The following BAZ2B variants were observed in gnomAD, a reference collection of about 807,000 sequenced individuals.
BAZ2B encodes bromodomain adjacent to zinc finger domain 2B.
In BAZ2B, 91 loss-of-function variants were observed where a neutral mutation model predicts 246.0. The observed-to-expected ratio is 0.37, with a 90% CI of 0.31 to 0.44. BAZ2B has a LOEUF of 0.44. BAZ2B is among the 20% of genes least tolerant of loss of function. The pLI, the probability that BAZ2B is intolerant of heterozygous loss-of-function variation, is 1.00. For missense variants in BAZ2B, 2,332 were observed against 2,533.7 expected (o/e 0.92, Z 1.71); for synonymous variants, 855 against 860.0 (o/e 0.99, Z 0.10).
the BAZ2B span, among the ~76,000 whole-genome samples, chr2:159,631,509 G>A: frequency 6.6e-5 from 10 of 152,066 alleles, no homozygotes; most frequent in Non-Finnish European, 1.5e-4. Flanking sequence ...ATTCAAAAAT[G>A]AGCTTAGAAT....
intron 1 of BAZ2B, among the ~76,000 whole-genome samples, chr2:159,558,346 T>C (rs939320783): frequency 6.6e-6 from 1 of 152,102 alleles, no homozygotes; most frequent in Non-Finnish European, 1.5e-5. Flanking sequence ...AACCTCCACC[T>C]CCCAGGTTCA....
chr2:159,501,159 A>AAATATATAATATATATTATATATATTT (rs2081705875), intron 2 of BAZ2B, among the ~76,000 whole-genome samples: 12 of 89,306 alleles, frequency 1.3e-4, no homozygotes, highest in Non-Finnish European at 2.2e-4. Flanking sequence ...AATATATATA[A>AAATATATAATATATATTATATATATTT]ATATATAATA....
chr2:159,404,371 ATT>A (rs3061984), intron 16 of BAZ2B: 31 of 138,814 alleles, frequency 2.2e-4, no homozygotes, highest in Admixed American at 5.8e-4. Context: ...TGCTGTCATC[ATT>A]TTTTTTTTTT....
chr2:159,501,173 A>T (rs1211899821), intron 2 of BAZ2B, among the ~76,000 whole-genome samples: 1 of 104,492 alleles, frequency 9.6e-6, no homozygotes, highest in Non-Finnish European at 1.8e-5. Context: ...TATAATATAT[A>T]TTATATATAT....
intron 2 of BAZ2B, among the ~76,000 whole-genome samples, chr2:159,487,967 T>C (rs978990157): frequency 2.0e-5 from 3 of 151,800 alleles, no homozygotes; most frequent in Non-Finnish European, 2.9e-5. Context: ...GACATCCAAA[T>C]ACAAGAAGCT....
intron 1 of BAZ2B, among the ~76,000 whole-genome samples, chr2:159,560,329 A>G (rs1030338590): frequency 4.6e-5 from 7 of 152,208 alleles, no homozygotes; most frequent in Admixed American, 6.5e-5. Context: ...ATTCATTTAT[A>G]TATCAGTTTG....
chr2:159,492,864 T>C (rs2080653675), intron 2 of BAZ2B, among the ~76,000 whole-genome samples: 1 of 152,224 alleles, frequency 6.6e-6, no homozygotes. Context: ...TTTGTTGTTA[T>C]CTGTTTTTAC....
chr2:159,468,734 T>C (rs1337191350), intron 3 of BAZ2B, among the ~76,000 whole-genome samples: 5 of 151,980 alleles, frequency 3.3e-5, no homozygotes, highest in Admixed American at 2.0e-4. Context: ...AGATAAACGA[T>C]CTAAGCTTCC....
At chr2:159,458,712 A>G (rs1447614602) in intron 3 of BAZ2B, 2 of 152,170 alleles carry the variant, frequency 1.3e-5, no homozygotes, top group East Asian at 1.9e-4. Context: ...ACATCTTTCA[A>G]TAATACTATC....
At chr2:159,667,095 TA>T in the BAZ2B span, among the ~76,000 whole-genome samples, 4 of 146,014 alleles carry the variant, frequency 2.7e-5, no homozygotes, top group East Asian at 5.9e-4. Flanking sequence ...TAAAGTATAA[TA>T]AAAAAAAAGA....
intron 2 of BAZ2B, among the ~76,000 whole-genome samples, chr2:159,509,889 T>A (rs540424255): frequency 4.6e-4 from 70 of 151,418 alleles, no homozygotes; most frequent in African/African-American, 1.6e-3. Flanking sequence ...ATATGTACAT[T>A]TATACATACT....
chr2:159,389,210 A>T, intron 21 of BAZ2B, 135 bp downstream of exon 21: 2 of 909,452 alleles, frequency 2.2e-6, no homozygotes, highest in Non-Finnish European at 3.1e-6. Context: ...AGGCAAATTG[A>T]CCTAGAGTTG....
intron 1 of BAZ2B, among the ~76,000 whole-genome samples, chr2:159,557,555 A>G (rs1487591343): frequency 3.3e-5 from 5 of 152,142 alleles, no homozygotes; most frequent in African/African-American, 9.7e-5. Flanking sequence ...TGCCTGGAGC[A>G]ATTGTTCTCC....
chr2:159,496,737 C>A (rs1006201409), intron 2 of BAZ2B, among the ~76,000 whole-genome samples: 1 of 128,088 alleles, frequency 7.8e-6, no homozygotes, highest in Admixed American at 9.1e-5. Context: ...GAGCCAAGAT[C>A]GCGCCATTGC....
chr2:159,515,934 C>A (rs752612813), intron 2 of BAZ2B, among the ~76,000 whole-genome samples: 6 of 151,944 alleles, frequency 3.9e-5, no homozygotes, highest in Non-Finnish European at 8.8e-5. Flanking sequence ...AATCTTTTTA[C>A]TACATAAGTT....
In BAZ2B at chr2:159,319,727, T is replaced by C. The variant is rs1379446211; in HGVS notation, c.*538A>G. 1.3e-5 allele frequency: 2 copies of C among 152,676 alleles called. No homozygotes were observed. Among genetic ancestry groups the C allele is most frequent in the Non-Finnish European group, 2.9e-5 (2 of 68,044 alleles). The allele number at this position is 152,676 out of a possible 1,614,324, so 9.5% of individuals were successfully genotyped here. ...ATCAGTGTAAACAGTTTAACTTGGC[T>C]TTGTTTTATATTTTAAAACATTCCT... On this transcript the variant is annotated 3_prime_UTR_variant, in exon 37 of 37. Coordinates refer to ENST00000392783, the MANE Select transcript of BAZ2B (RefSeq NM_013450.4). This position sits in a 1 kb window ranked among gnomAD's most constrained non-coding sequence, Gnocchi z 4.0.
Position 159,514,186 on chromosome 2 carries a change from T to G in BAZ2B, c.-2-35465A>C, listed in dbSNP as rs545427778. On this transcript the variant is annotated intron_variant, in intron 2 of 36. Transcript: ENST00000392783. ...TTTATTTATTATTATTAATCTCCAC[T>G]CCTACTACATGTGCCACAAAAGCAG... Among the ~76,000 whole-genome samples the G allele has an allele frequency of 2.6e-5, 4 of 152,264 alleles. No individual in the cohort carries two copies. The East Asian group carries it at 5.8e-4, about 22-fold the overall frequency.
At chr2:159,421,630 C>T (rs115830802) in intron 13 of BAZ2B, among the ~76,000 whole-genome samples, 5,573 of 152,016 alleles carry the variant, frequency 0.037, 185 homozygotes, top group Middle Eastern at 0.11. Context: ...TTGTACTATA[C>T]AAAAGTTAAT....
chr2:159,642,955 T>A, the BAZ2B span, among the ~76,000 whole-genome samples: 2 of 152,196 alleles, frequency 1.3e-5, no homozygotes, highest in African/African-American at 4.8e-5. Context: ...TCTTAATACT[T>A]CTCCTCACAA....
Sources: allele counts gnomAD v4.1 joint callset (sites outside exome capture counted in the v4.1 genomes callset), GRCh38; gene constraint gnomAD v4.1.1; non-coding constraint Gnocchi (gnomAD v3.1); transcripts MANE v1.5; gene names NCBI Gene and HGNC (gene_info 2026-07-23, HGNC 2026-07-21).